The following KCNIP4 variants were observed in gnomAD, a reference collection of about 807,000 sequenced individuals.
KCNIP4 encodes potassium voltage-gated channel interacting protein 4, also known as Kv channel-interacting protein 4.
A neutral mutation model predicts 34.0 loss-of-function variants in KCNIP4; 12 were observed. The observed-to-expected ratio is 0.35, with a 90% CI of 0.23 to 0.57. KCNIP4 has a LOEUF of 0.57. Among genes scored for constraint, KCNIP4 ranks in the 20% least tolerant of loss-of-function variants. The pLI is 0.83. For synonymous variants in KCNIP4, 124 were observed against 102.2 expected (o/e 1.21, Z -1.29); for missense variants, 238 against 311.7 (o/e 0.76, Z 1.78).
At chr4:21,557,589 G>A (rs1364640043) in intron 1 of KCNIP4, among the ~76,000 whole-genome samples, 1 of 152,102 alleles carries the variant, frequency 6.6e-6, no homozygotes, top group African/African-American at 2.4e-5. Context: ...TGGGGTTATG[G>A]AAGAGAGAGT....
intron 1 of KCNIP4, among the ~76,000 whole-genome samples, chr4:21,438,033 T>A (rs1269889423): frequency 6.6e-6 from 1 of 152,172 alleles, no homozygotes; most frequent in East Asian, 1.9e-4. Flanking sequence ...AGTCTTGTTA[T>A]GATCATAAAA....
At chr4:21,930,291 G>C (rs116212207) in intron 1 of KCNIP4, among the ~76,000 whole-genome samples, 6,182 of 152,154 alleles carry the variant, frequency 0.041, 253 homozygotes, top group African/African-American at 0.095. Context: ...TGTATCTCTT[G>C]AATGCAACAC....
At chr4:21,369,840 T>C (rs1720155174) in intron 1 of KCNIP4, among the ~76,000 whole-genome samples, 1 of 115,322 alleles carries the variant, frequency 8.7e-6, no homozygotes, top group South Asian at 2.7e-4. Flanking sequence ...TTTTTTTTTT[T>C]AGACGGAGTC....
chr4:21,263,418 C>T (rs1270900664), intron 1 of KCNIP4, among the ~76,000 whole-genome samples: 1 of 152,126 alleles, frequency 6.6e-6, no homozygotes, highest in Non-Finnish European at 1.5e-5. Context: ...CATCATGCCA[C>T]CTCTGTTCTA....
At chr4:21,029,920 G>T (rs1273335487) in intron 1 of KCNIP4, among the ~76,000 whole-genome samples, 1 of 152,110 alleles carries the variant, frequency 6.6e-6, no homozygotes, top group Non-Finnish European at 1.5e-5. Flanking sequence ...AGTCTCAATA[G>T]TTTGAACAGT....
chr4:20,864,091 C>T (rs112426005), intron 2 of KCNIP4, among the ~76,000 whole-genome samples: 5,502 of 137,534 alleles, frequency 0.04, 271 homozygotes, highest in Non-Finnish European at 0.061. Context: ...TATGTATATG[C>T]ATGTATACGT....
intron 1 of KCNIP4, among the ~76,000 whole-genome samples, chr4:21,704,514 G>A (rs1482330827): frequency 6.6e-6 from 1 of 152,134 alleles, no homozygotes; most frequent in African/African-American, 2.4e-5. Context: ...TTCAACAATA[G>A]TGAAGCACAC....
At chr4:20,997,723 G>T (rs1020389227) in intron 1 of KCNIP4, among the ~76,000 whole-genome samples, 9 of 152,146 alleles carry the variant, frequency 5.9e-5, no homozygotes, top group East Asian at 1.9e-4. Flanking sequence ...CAACGAGGAA[G>T]ATTCTGTATG....
intron 1 of KCNIP4, among the ~76,000 whole-genome samples, chr4:21,208,597 G>C (rs1386552979): frequency 6.6e-6 from 1 of 151,886 alleles, no homozygotes; most frequent in East Asian, 1.9e-4. Flanking sequence ...GGTCATTGAC[G>C]GTCTTTTTTT....
chr4:21,503,826 T>C (rs544600647), intron 1 of KCNIP4, among the ~76,000 whole-genome samples: 36 of 152,294 alleles, frequency 2.4e-4, no homozygotes, highest in Non-Finnish European at 1.3e-4. Flanking sequence ...TGCTTCATAT[T>C]TCATGAGAGC....
At chr4:21,470,221 A>G (rs1730344647) in intron 1 of KCNIP4, among the ~76,000 whole-genome samples, 2 of 152,156 alleles carry the variant, frequency 1.3e-5, no homozygotes, top group Non-Finnish European at 2.9e-5. Context: ...AGCAAAAAGC[A>G]GGCTGTATAA....
At chr4:21,368,465 CA>C (rs1560335314) in intron 1 of KCNIP4, among the ~76,000 whole-genome samples, 1 of 147,054 alleles carries the variant, frequency 6.8e-6, no homozygotes, top group Non-Finnish European at 1.5e-5. Context: ...AGGTCCTGTT[CA>C]AAAAAATTTA....
In KCNIP4 at chr4:21,738,960, C is replaced by T. The variant is rs375091803; in HGVS notation, c.61+209611G>A. On this transcript the variant is annotated intron_variant, in intron 1 of 8. Transcript: ENST00000382152. ...ATTATAAGACACAAATATCTTGATT[C>T]GGCTTTCATTAAAATCATAGTGAAA... Among the ~76,000 whole-genome samples the T allele has an allele frequency of 9.2e-5, 14 of 152,174 alleles. No homozygotes were observed. In the East Asian group the frequency reaches 9.6e-4, roughly 10 times the overall value.
At chr4:21,694,932 A>C (rs943030115) in intron 1 of KCNIP4, among the ~76,000 whole-genome samples, 2 of 91,794 alleles carry the variant, frequency 2.2e-5, no homozygotes, top group South Asian at 2.7e-4. Flanking sequence ...AAAAAAAAAT[A>C]AAAATAAATA....
At chr4:20,970,453 A>C (rs144102619) in intron 1 of KCNIP4, among the ~76,000 whole-genome samples, 1 of 152,300 alleles carries the variant, frequency 6.6e-6, no homozygotes, top group East Asian at 1.9e-4. Context: ...GTATATATAA[A>C]GGCTTACAAA....
intron 1 of KCNIP4, among the ~76,000 whole-genome samples, chr4:21,121,128 G>A (rs748052193): frequency 1.1e-4 from 17 of 152,146 alleles, no homozygotes; most frequent in Non-Finnish European, 2.1e-4. Context: ...AGCAAAACCG[G>A]CTGGGCAAGG....
intron 1 of KCNIP4, among the ~76,000 whole-genome samples, chr4:20,905,824 A>G (rs73242557): frequency 0.048 from 7,314 of 151,948 alleles, 200 homozygotes; most frequent in Middle Eastern, 0.11. Context: ...CTGGCCTAGT[A>G]GTTGAATATT....
Position 21,544,804 on chromosome 4 carries a change from G to T in KCNIP4, c.61+403767C>A, listed in dbSNP as rs542795900. 2.0e-5 allele frequency: 3 copies of T among 152,294 alleles called. No homozygotes were observed. In the East Asian group the frequency reaches 5.8e-4, roughly 29 times the overall value. The allele number at this position is 152,294 out of a possible 1,614,324, so 9.4% of individuals were successfully genotyped here. On this transcript the variant is annotated intron_variant, in intron 1 of 8. Coordinates refer to ENST00000382152, the MANE Select transcript of KCNIP4 (RefSeq NM_025221.6). ...TGGGCAACCAGCAGCTGTTGGGGCT[G>T]TTCTGCCCATGGAGTAGCCATTCTT...
Position 21,350,516 on chromosome 4 carries a change from T to A in KCNIP4, c.62-467807A>T, listed in dbSNP as rs79888642. On this transcript the variant is annotated intron_variant, in intron 1 of 8. Coordinates refer to ENST00000382152, the MANE Select transcript of KCNIP4 (RefSeq NM_025221.6). ...TCTTTTCTCTTTGCAGACTCCAGTATGAATGGTGAATGTAATTTAATGTGT... is the reference window on the plus strand; with the variant it reads ...TCTTTTCTCTTTGCAGACTCCAGTAAGAATGGTGAATGTAATTTAATGTGT... Among the ~76,000 whole-genome samples, 683 of 152,274 alleles carry A rather than the reference T, an allele frequency of 4.5e-3. 8 individuals are homozygous for A. Among genetic ancestry groups the A allele is most frequent in the African/African-American group, 0.015 (638 of 41,554 alleles).
Sources: gnomAD v4.1 joint callset for allele counts (sites outside exome capture counted in the v4.1 genomes callset) on GRCh38, gnomAD v4.1.1 for gene constraint, MANE v1.5 for transcripts, NCBI Gene and HGNC (gene_info 2026-07-23, HGNC 2026-07-21) for gene names.